Variants in SLC16A6 observed in about 807,000 individuals in gnomAD.
The protein encoded by SLC16A6 is monocarboxylate transporter 7.
A neutral mutation model predicts 33.8 loss-of-function variants in SLC16A6; 15 were observed. The observed-to-expected ratio is 0.44, with a 90% CI of 0.30 to 0.68. The LOEUF is 0.68. SLC16A6 is among the 30% of genes least tolerant of loss of function. SLC16A6 has a pLI of 0.10. For missense variants in SLC16A6, 451 were observed against 661.5 expected (o/e 0.68, Z 3.49); for synonymous variants, 219 against 248.4 (o/e 0.88, Z 1.11).
intron 2 of SLC16A6, among the ~76,000 whole-genome samples, chr17:68,275,015 G>A (rs555176149): frequency 6.6e-6 from 1 of 152,248 alleles, no homozygotes; most frequent in East Asian, 1.9e-4. Flanking sequence ...ACTGACCTCA[G>A]GTGATCCGCC....
chr17:68,270,412 G>A (rs1461391455), intron 5 of SLC16A6, among the ~76,000 whole-genome samples: 4 of 152,140 alleles, frequency 2.6e-5, no homozygotes, highest in African/African-American at 9.7e-5. Context: ...AAATTAGCCA[G>A]GCGTGGTGGT....
intron 3 of SLC16A6, among the ~76,000 whole-genome samples, 155 bp from the exon 4 acceptor site, chr17:68,272,922 A>G (rs937261706): frequency 1.3e-5 from 2 of 152,238 alleles, no homozygotes; most frequent in East Asian, 3.8e-4. Context: ...GTTGCAAAGA[A>G]AAATGGGTTT....
intron 1 of SLC16A6, among the ~76,000 whole-genome samples, chr17:68,285,392 A>T (rs1185965155): frequency 6.6e-6 from 1 of 152,034 alleles, no homozygotes; most frequent in Non-Finnish European, 1.5e-5. Flanking sequence ...GGGCTCGTGC[A>T]GGGCACGGTG....
chr17:68,276,678 T>G (rs1253842073), intron 2 of SLC16A6, among the ~76,000 whole-genome samples: 1 of 152,170 alleles, frequency 6.6e-6, no homozygotes, highest in African/African-American at 2.4e-5. Flanking sequence ...AGTCTCAAAC[T>G]CTAGGGCTCA....
chr17:68,274,049 C>A lies in SLC16A6; in HGVS notation c.254G>T (p.Ser85Ile), dbSNP rs1555750087. Reference sequence around the variant, plus strand: ...TACCAGACGGTGTCCGAAACGATTGCTCAGGACTGTGGCGAGGGGAGCTGC... The same window carrying A: ...TACCAGACGGTGTCCGAAACGATTGATCAGGACTGTGGCGAGGGGAGCTGC... ...TFSAPLATVLSNRFGHRLVVM... is the reference protein window; with the variant it reads ...TFSAPLATVLINRFGHRLVVM... The change falls in exon 3 of 6, where the codon AGC (serine) becomes ATC (isoleucine). Residue 85 changes from serine (S) to isoleucine (I), a missense_variant. By Grantham distance (142) the Ser-to-Ile change is moderately radical. Coordinates refer to ENST00000580666, the MANE Select transcript of SLC16A6 (RefSeq NM_004694.5). 2 of 1,614,086 alleles carry A rather than the reference C, an allele frequency of 1.2e-6. No homozygotes were observed. Among genetic ancestry groups the A allele is most frequent in the Admixed American group, 3.3e-5 (2 of 60,020 alleles).
rs2075424656 is a variant in SLC16A6, at chr17:68,273,927, C to T, written c.376G>A (p.Gly126Ser). 3 of 1,613,984 alleles carry T rather than the reference C, an allele frequency of 1.9e-6. No individual in the cohort carries two copies. Among genetic ancestry groups the T allele is most frequent in the Non-Finnish European group, 2.5e-6 (3 of 1,179,908 alleles). The change falls in exon 3 of 6, where the codon GGT becomes AGT. Residue 126 changes from glycine to serine, a missense_variant and splice_region_variant. Around this residue, in one of 2 missense-constraint regions of SLC16A6, gnomAD observed 405 missense variants for 510.7 expected, o/e 0.79. Coordinates refer to ENST00000580666, the MANE Select transcript of SLC16A6 (RefSeq NM_004694.5). Reference protein sequence around the residue: ...HMYVAIGIISGLGYCFSFLPT... With the variant: ...HMYVAIGIISSLGYCFSFLPT... ...TTCTGAGCCAAAGAGGAACACTTAC[C>T]AGAGATGATGCCGATGGCGACGTAC...
At chr17:68,275,631 TC>T (rs1254265314) in intron 2 of SLC16A6, among the ~76,000 whole-genome samples, 5 of 152,184 alleles carry the variant, frequency 3.3e-5, no homozygotes, top group Non-Finnish European at 5.9e-5. Flanking sequence ...AACATTTTAG[TC>T]CTAATTCATT....
chr17:68,267,830 A>G lies in SLC16A6; in HGVS notation c.*1266T>C, dbSNP rs1445851312. ...TCTGGCAACTTAGACCAATCAAGTC[A>G]TGTGTTATAGAAGATGTAAATTGCA... On this transcript the variant is annotated 3_prime_UTR_variant, in exon 6 of 6. Transcript: ENST00000580666. 6.6e-6 allele frequency: 1 copy of G among 152,254 alleles called. No homozygotes were observed. Among genetic ancestry groups the G allele is most frequent in the Non-Finnish European group, 1.5e-5 (1 of 68,044 alleles). 9.4% of individuals were successfully genotyped at this position (152,254 alleles called of 1,614,324 possible).
At chr17:68,270,405 T>C (rs1353738804) in intron 5 of SLC16A6, among the ~76,000 whole-genome samples, 2 of 151,914 alleles carry the variant, frequency 1.3e-5, no homozygotes, top group African/African-American at 4.8e-5. Flanking sequence ...AATACAAAAA[T>C]TAGCCAGGCG....
intron 1 of SLC16A6, among the ~76,000 whole-genome samples, chr17:68,280,341 T>G (rs568100121): frequency 1.3e-5 from 2 of 152,080 alleles, no homozygotes; most frequent in Non-Finnish European, 2.9e-5. Flanking sequence ...AAAGCCATCC[T>G]GAAAAAAAGA....
intron 3 of SLC16A6, among the ~76,000 whole-genome samples, chr17:68,273,365 G>A (rs1434671074): frequency 2.6e-5 from 4 of 151,992 alleles, no homozygotes; most frequent in Admixed American, 2.6e-4. Flanking sequence ...TGGGACCACA[G>A]GCACGCACCA....
chr17:68,290,996 A>C (rs1319198), intron 1 of SLC16A6, 90 bp downstream of exon 1: 92,085 of 151,884 alleles, frequency 0.61, 28,366 homozygotes, highest in African/African-American at 0.72. Context: ...GCCTCCCATC[A>C]CAAAAAAAGG....
chr17:68,283,403 C>T (rs1555753469), intron 1 of SLC16A6, among the ~76,000 whole-genome samples: 3 of 152,084 alleles, frequency 2.0e-5, no homozygotes, highest in Admixed American at 6.6e-5. Context: ...CGCCTGTAGT[C>T]CCAGCTACTC....
rs148885157 is a variant in SLC16A6, at chr17:68,271,178, G to A, written c.982C>T (p.Arg328Cys). ...LGISLGIDQD[R>C]AAFLLSTMAI... ...ATCGTAGATAATAAAAAAGCAGCGC[G>A]GTCCTGGTCAATGCCCAGACTAATG... The change falls in exon 5 of 6, where the codon CGC (arginine) becomes TGC (cysteine). Residue 328 changes from arginine (R) to cysteine (C), a missense_variant. Arg to Cys is a radical substitution (Grantham distance 180, BLOSUM62 -3). This residue lies in a region of SLC16A6 where 405 missense variants were observed against 510.7 expected (regional missense o/e 0.79). Coordinates refer to ENST00000580666, the MANE Select transcript of SLC16A6 (RefSeq NM_004694.5). The surrounding 1 kb of genome is among the most constrained non-coding windows in gnomAD (Gnocchi z 5.3). The A allele has an allele frequency of 1.2e-6, 2 of 1,613,870 alleles. No homozygotes were observed. Among genetic ancestry groups the A allele is most frequent in the Non-Finnish European group, 1.7e-6 (2 of 1,180,034 alleles).
At position 68,268,061 on chromosome 17, in the gene SLC16A6, T is replaced by C. The variant is rs2144900404; in HGVS notation, c.*1035A>G. ...CTAAGGCGATTTGCAATCCATTATT[T>C]TTTCCCCTTTAATAGCACACGTTGC... On this transcript the variant is annotated 3_prime_UTR_variant, in exon 6 of 6. Transcript: ENST00000580666. The C allele has an allele frequency of 6.6e-6, 1 of 152,352 alleles. No individual in the cohort carries two copies. Among genetic ancestry groups the C allele is most frequent in the African/African-American group, 2.4e-5 (1 of 41,582 alleles). 9.4% of individuals were successfully genotyped at this position (152,352 alleles called of 1,614,324 possible).
chr17:68,277,152 G>A (rs2075549209), intron 2 of SLC16A6, among the ~76,000 whole-genome samples: 1 of 152,026 alleles, frequency 6.6e-6, no homozygotes, highest in Admixed American at 6.6e-5. Context: ...ATTATTTTGA[G>A]ATGGAGTCTC....
rs36155626 is a variant in SLC16A6, at chr17:68,282,779, T to TAAAAAAAAAAAAAAA, written c.-7-4467_-7-4453dup. Among the ~76,000 whole-genome samples the TAAAAAAAAAAAAAAA allele has an allele frequency of 1.7e-4, 9 of 53,404 alleles. 2 individuals carry two copies. The highest frequency in any genetic ancestry group is 2.4e-4 in the Admixed American group (1 of 4,226). The allele number at this position is 53,404 out of a possible 152,430, so 35.0% of individuals were successfully genotyped here. On this transcript the variant is annotated intron_variant, in intron 1 of 5. Coordinates refer to ENST00000580666, the MANE Select transcript of SLC16A6 (RefSeq NM_004694.5). ...CAACATAGTGAAACCCCATCTCTAC[T>TAAAAAAAAAAAAAAA]AAAAAAAAAAAAAAAAAAAAAGGCC...
intron 1 of SLC16A6, among the ~76,000 whole-genome samples, chr17:68,288,557 G>A (rs1012057618): frequency 2.0e-5 from 3 of 152,176 alleles, no homozygotes; most frequent in African/African-American, 7.2e-5. Context: ...CTTTACGGAT[G>A]ATGGAATTTA....
At chr17:68,285,502 T>A (rs1270947502) in intron 1 of SLC16A6, 4 of 152,240 alleles carry the variant, frequency 2.6e-5, no homozygotes, top group Non-Finnish European at 5.9e-5. Context: ...AAACCCCGTC[T>A]CTACTAAAAT....
Sources: allele counts gnomAD v4.1 joint callset (sites outside exome capture counted in the v4.1 genomes callset), GRCh38; gene constraint gnomAD v4.1.1; regional missense constraint gnomAD v4.1.1; non-coding constraint Gnocchi (gnomAD v3.1); transcripts MANE v1.5; gene names NCBI Gene and HGNC (gene_info 2026-07-23, HGNC 2026-07-21).